Variants in BACH1 observed in about 807,000 individuals in gnomAD.
The protein encoded by BACH1 is transcription regulator protein BACH1.
In BACH1, 35 loss-of-function variants were observed where a neutral mutation model predicts 52.9. The observed-to-expected ratio is 0.66, with a 90% CI of 0.51 to 0.88. BACH1 has a LOEUF of 0.88. Among genes scored for constraint, BACH1 ranks in the 40% least tolerant of loss-of-function variants. The probability of loss-of-function intolerance (pLI) is 0.00; values close to 1 mark genes in which losing one functional copy is unlikely to be tolerated. For synonymous variants in BACH1, 321 were observed against 319.6 expected, an observed-to-expected ratio of 1.00 and a Z score of -0.05; for missense variants, 808 against 872.6, an observed-to-expected ratio of 0.93 and a Z score of 0.93.
At chr21:29,318,721 T>G (rs2088815757) in intron 1 of BACH1, among the ~76,000 whole-genome samples, 1 of 152,174 alleles carries the variant, frequency 6.6e-6, no homozygotes, top group Non-Finnish European at 1.5e-5. Context: ...TACTAGCAGC[T>G]CTAGGGTGAA....
Position 29,326,284 on chromosome 21 carries a change from G to A in BACH1, c.460G>A (p.Asp154Asn). ...CTTTTCATCACACTGTCAGAAAACA[G>A]ACCTTAAACTTTCACTTTTGGACCA... ...KCFSSHCQKT[D>N]LKLSLLDQRD... is the part of the protein sequence containing the mutation. Residue 154 changes from aspartate (D) to asparagine (N), a missense_variant, in exon 3 of 5, where the codon GAC (aspartate) becomes AAC (asparagine). Physicochemically the swap from Asp to Asn is conservative, Grantham distance 23. Coordinates refer to ENST00000286800, the MANE Select transcript of BACH1 (RefSeq NM_001186.4). 3 of 1,614,130 alleles carry A rather than the reference G, an allele frequency of 1.9e-6. No homozygotes were observed. The highest frequency in any genetic ancestry group is 2.5e-6 in the Non-Finnish European group (3 of 1,180,028).
chr21:29,355,931 C>G (rs549161556), intron 2 of BACH1, among the ~76,000 whole-genome samples: 1 of 152,202 alleles, frequency 6.6e-6, no homozygotes. Context: ...CAACACTCTT[C>G]CCCTAAGAAG....
intron 2 of BACH1, among the ~76,000 whole-genome samples, chr21:29,323,231 G>A (rs904905344): frequency 2.0e-5 from 3 of 152,174 alleles, no homozygotes; most frequent in African/African-American, 7.2e-5. Flanking sequence ...AGGGGCGTTT[G>A]TTAAGGAGAA....
At chr21:29,332,136 G>A (rs564157671) in intron 4 of BACH1, among the ~76,000 whole-genome samples, 1 of 152,070 alleles carries the variant, frequency 6.6e-6, no homozygotes. Flanking sequence ...GGGCTTCACC[G>A]TGTTAGCCAG....
chr21:29,360,590 A>G (rs2089265185), intron 2 of BACH1, among the ~76,000 whole-genome samples: 1 of 152,084 alleles, frequency 6.6e-6, no homozygotes, highest in African/African-American at 2.4e-5. Flanking sequence ...CACGCCTGTA[A>G]TCCCAGCACT....
intron 1 of BACH1, among the ~76,000 whole-genome samples, chr21:29,305,753 A>C (rs907799322): frequency 2.0e-5 from 3 of 152,256 alleles, no homozygotes; most frequent in Non-Finnish European, 4.4e-5. Context: ...ACATGAACGC[A>C]TACTTAACTT....
intron 1 of BACH1, among the ~76,000 whole-genome samples, chr21:29,312,202 T>A (rs1183297901): frequency 2.0e-5 from 3 of 152,074 alleles, no homozygotes; most frequent in African/African-American, 7.2e-5. Flanking sequence ...AGTTGGGAAA[T>A]TTTACGTGTT....
rs191028682 is a variant in BACH1 at position 29,355,555 on chromosome 21, G to A, written c.472+25862G>A. ...TCCTGCTGGATAGAGGCAAAGAAGGGTCCCTGCAGTTGCAGTGTCTTCCAG... is the reference window on the plus strand; with the variant it reads ...TCCTGCTGGATAGAGGCAAAGAAGGATCCCTGCAGTTGCAGTGTCTTCCAG... On this transcript the variant is annotated intron_variant, in intron 2 of 4. Transcript: ENST00000422809. Among the ~76,000 whole-genome samples, 12 of 152,322 alleles carry A rather than the reference G, an allele frequency of 7.9e-5. No individual in the cohort carries two copies. In the East Asian group the frequency reaches 1.4e-3, roughly 17 times the overall value.
chr21:29,335,543 A>T (rs1306155782), intron 4 of BACH1, among the ~76,000 whole-genome samples: 1 of 151,928 alleles, frequency 6.6e-6, no homozygotes, highest in Admixed American at 6.6e-5. Flanking sequence ...TCATGTCAGC[A>T]CCCCCCACCC....
intron 1 of BACH1, chr21:29,299,286 C>A (rs531529869): frequency 6.6e-6 from 1 of 151,916 alleles, no homozygotes. Flanking sequence ...GCCCCACCCC[C>A]CTCCCTGCCC....
chr21:29,342,295 T>C, intron 4 of BACH1, 104 bp from the exon 5 acceptor site: 1 of 1,137,552 alleles, frequency 8.8e-7, no homozygotes, highest in Non-Finnish European at 1.3e-6. Context: ...AAACTCCATG[T>C]GATCTTACTT....
At chr21:29,314,183 A>C (rs745706152) in intron 1 of BACH1, among the ~76,000 whole-genome samples, 16 of 152,220 alleles carry the variant, frequency 1.1e-4, no homozygotes, top group Non-Finnish European at 2.2e-4. Flanking sequence ...CTTTGTAGTA[A>C]GAAGGTATAA....
intron 2 of BACH1, chr21:29,361,469 T>C (rs1180635953): frequency 1.3e-5 from 2 of 152,182 alleles, no homozygotes; most frequent in Admixed American, 1.3e-4. Context: ...TAAAAAAAAT[T>C]GTTAATGTTT....
intron 4 of BACH1, among the ~76,000 whole-genome samples, chr21:29,336,665 A>G (rs8132548): frequency 6.6e-6 from 1 of 151,006 alleles, no homozygotes; most frequent in African/African-American, 2.4e-5. Context: ...TTTCTCTTTT[A>G]TTTTTTTATT....
chr21:29,333,217 A>C (rs2089005616), intron 4 of BACH1, among the ~76,000 whole-genome samples: 1 of 152,212 alleles, frequency 6.6e-6, no homozygotes, highest in Non-Finnish European at 1.5e-5. Context: ...TAAGATAGTT[A>C]TTATGGTAAG....
intron 2 of BACH1, among the ~76,000 whole-genome samples, chr21:29,355,063 G>T (rs557981588): frequency 6.6e-6 from 1 of 152,222 alleles, no homozygotes; most frequent in Non-Finnish European, 1.5e-5. Context: ...AAGGGGACCG[G>T]AGCGGGTTGC....
At chr21:29,329,344 T>TCGTATCATTAAAAA in intron 3 of BACH1, 143 bp from the exon 4 acceptor site, 1 of 530,174 alleles carries the variant, frequency 1.9e-6, no homozygotes, top group South Asian at 5.0e-5. Flanking sequence ...TTTGAGATTG[T>TCGTATCATTAAAAA]ATAGAAATTG....
intron 2 of BACH1, among the ~76,000 whole-genome samples, chr21:29,358,818 A>AG (rs1193370282): frequency 1.5e-5 from 2 of 136,956 alleles, no homozygotes; most frequent in East Asian, 4.1e-4. Context: ...AAGAAAGAAG[A>AG]AAGAAAGAAA....
intron 1 of BACH1, among the ~76,000 whole-genome samples, chr21:29,319,894 G>A (rs8127899): frequency 0.047 from 7,171 of 151,858 alleles, 505 homozygotes; most frequent in African/African-American, 0.16. Context: ...GGTTTTCCCT[G>A]TTATTCTTAA....
Sources: allele counts gnomAD v4.1 joint callset (sites outside exome capture counted in the v4.1 genomes callset), GRCh38; gene constraint gnomAD v4.1.1; transcripts MANE v1.5; gene names NCBI Gene and HGNC (gene_info 2026-07-23, HGNC 2026-07-21).